Variants in USP54 observed in about 807,000 individuals in gnomAD.
USP54 encodes the protein ubiquitin specific peptidase 54.
Under a neutral mutation model 170.5 loss-of-function variants are expected in USP54, and 87 were observed. That is an observed-to-expected ratio of 0.51 (90% CI 0.43 to 0.61). USP54 has a LOEUF of 0.61. Ranked by LOEUF, USP54 falls within the 20% of genes least tolerant of loss-of-function variation. The pLI, the probability that USP54 is intolerant of heterozygous loss-of-function variation, is 0.00. For synonymous variants in USP54, 655 were observed against 742.8 expected, an observed-to-expected ratio of 0.88 and a Z score of 1.92; for missense variants, 1,786 against 2,047.8, an observed-to-expected ratio of 0.87 and a Z score of 2.47.
Position 73,498,934 on chromosome 10 carries a change from T to A in USP54, c.4750A>T (p.Thr1584Ser), listed in dbSNP as rs764240640. The A allele has an allele frequency of 1.2e-6, 2 of 1,613,804 alleles. No individual in the cohort carries two copies. ...ERSKGLQVPH[T>S]QSWSDLFHSP... ...TGGAAAAGATCACTCCAGGACTGAG[T>A]GTGAGGAACCTGAAGGCCCTTGCTT... is the stretch of plus-strand genomic sequence containing the variant. Residue 1584 changes from threonine to serine, a missense_variant, in exon 24 of 24, where the codon ACT (threonine) becomes TCT (serine). This residue lies in a region of USP54 where 1,418 missense variants were observed against 1,569.0 expected (regional missense o/e 0.90). Transcript: ENST00000687698.
Position 73,541,738 on chromosome 10 carries a change from G to C in USP54, c.573C>G (p.Cys191Trp), listed in dbSNP as rs1564762203. ...MVHYISTTSL[C>W]NQAICMLERR... The stretch of plus-strand genomic sequence containing the variant: ...TTTCCAGCATACAAATAGCCTGATT[G>C]CTTCAAGATGGGGAATAGAAGGGGG... The change falls in exon 8 of 24, where the codon TGC becomes TGG. Residue 191 changes from cysteine (C) to tryptophan (W), a missense_variant and splice_region_variant. Physicochemically the swap from Cys to Trp is radical, Grantham distance 215. Coordinates refer to ENST00000687698, the MANE Select transcript of USP54 (RefSeq NM_001391956.1). 6.2e-7 allele frequency: 1 copy of C among 1,613,916 alleles called. No individual in the cohort carries two copies. Among genetic ancestry groups the C allele is most frequent in the South Asian group, 1.1e-5 (1 of 91,054 alleles).
chr10:73,598,298 G>C (rs1053459779), intron 1 of USP54, among the ~76,000 whole-genome samples: 4 of 152,138 alleles, frequency 2.6e-5, no homozygotes, highest in Non-Finnish European at 4.4e-5. Context: ...AAGAGAAAAA[G>C]TTGGACTCCT....
At chr10:73,505,109 G>C in intron 21 of USP54, 119 bp from the exon 22 acceptor site, 1 of 1,409,146 alleles carries the variant, frequency 7.1e-7, no homozygotes, top group Non-Finnish European at 9.8e-7. Context: ...ATAGACACCT[G>C]AATTAGATGT....
chr10:73,515,838 A>C (rs2060979990), intron 20 of USP54: 1 of 141,780 alleles, frequency 7.1e-6, no homozygotes, highest in Admixed American at 7.6e-5. Flanking sequence ...GTTGGAGTGC[A>C]GTGGTGCGAT....
chr10:73,582,826 T>G (rs1408575048), intron 1 of USP54, among the ~76,000 whole-genome samples: 2 of 152,226 alleles, frequency 1.3e-5, no homozygotes, highest in Non-Finnish European at 2.9e-5. Context: ...AGTATCAAAG[T>G]ATCTCCACTA....
rs1014901003 is a variant in USP54 at position 73,576,251 on chromosome 10, T to C, written c.-471A>G. On this transcript the variant is annotated 5_prime_UTR_variant, in exon 2 of 24. Coordinates refer to ENST00000687698, the MANE Select transcript of USP54 (RefSeq NM_001391956.1). ...TTGAATCATCTGAGGTTTTTGTTGA[T>C]GTTCTTGCTGCTTCTTTTTAATGTG... 3 of 152,236 alleles carry C rather than the reference T, an allele frequency of 2.0e-5. No homozygotes were observed. The highest frequency in any genetic ancestry group is 1.3e-4 in the Admixed American group (2 of 15,284). The allele number at this position is 152,236 out of a possible 1,614,324, so 9.4% of individuals were successfully genotyped here.
chr10:73,530,338 G>C lies in USP54; in HGVS notation c.1633C>G (p.Pro545Ala). 6.2e-7 allele frequency: 1 copy of C among 1,614,076 alleles called. No individual in the cohort carries two copies. The highest frequency in any genetic ancestry group is 8.5e-7 in the Non-Finnish European group (1 of 1,180,016). ...CGAGAGTGTAAAGGCAGGGTCCTAG[G>C]AGGTTTTTTGTCAGGCTGGTCTCCT... ...RGGDQPDKKPPRTLPLHSRDW... is the reference protein window; with the variant it reads ...RGGDQPDKKPARTLPLHSRDW... Residue 545 changes from proline (P) to alanine (A), a missense_variant, in exon 14 of 24, where the codon CCT becomes GCT. By Grantham distance (27) the Pro-to-Ala change is conservative. Coordinates refer to ENST00000687698, the MANE Select transcript of USP54 (RefSeq NM_001391956.1).
chr10:73,598,377 A>G (rs1213380163), intron 1 of USP54, among the ~76,000 whole-genome samples: 1 of 152,218 alleles, frequency 6.6e-6, no homozygotes, highest in African/African-American at 2.4e-5. Context: ...TCAAACTATA[A>G]AACTTTTAGA....
chr10:73,562,887 A>G (rs2073391356), intron 4 of USP54, among the ~76,000 whole-genome samples: 1 of 152,134 alleles, frequency 6.6e-6, no homozygotes, highest in Non-Finnish European at 1.5e-5. Flanking sequence ...CTAAGTAGTG[A>G]TATCAATTTA....
chr10:73,616,816 C>G (rs1428885613), intron 1 of USP54, among the ~76,000 whole-genome samples: 7 of 150,192 alleles, frequency 4.7e-5, no homozygotes, highest in Admixed American at 4.6e-4. Context: ...CAGAGAGAGA[C>G]TCTGTCTCAA....
chr10:73,526,803 T>C (rs751742414), intron 15 of USP54, 23 bp from the exon 16 acceptor site: 7 of 1,612,140 alleles, frequency 4.3e-6, no homozygotes, highest in Non-Finnish European at 5.9e-6. Context: ...ACTCAGAGTC[T>C]AGTGAAAGCA....
intron 1 of USP54, among the ~76,000 whole-genome samples, chr10:73,624,181 TATATATATATATATGTA>T (rs2081311170): frequency 1.7e-5 from 2 of 118,386 alleles, no homozygotes; most frequent in South Asian, 3.5e-4. Context: ...TATATATATA[TATATATATATATATGTA>T]TTTTTTTTTT....
At chr10:73,542,396 G>A (rs1438282343) in intron 7 of USP54, among the ~76,000 whole-genome samples, 3 of 150,664 alleles carry the variant, frequency 2.0e-5, no homozygotes, top group South Asian at 2.2e-4. Flanking sequence ...CACCATGCCC[G>A]GCCAAGATAT....
chr10:73,593,834 T>C (rs1020600491), upstream of USP54, among the ~76,000 whole-genome samples: 1 of 152,264 alleles, frequency 6.6e-6, no homozygotes, highest in African/African-American at 2.4e-5. Flanking sequence ...TACTAGCAAA[T>C]AGAGTAAGGT....
intron 15 of USP54, 99 bp downstream of exon 15, chr10:73,529,581 G>C: frequency 3.0e-6 from 4 of 1,325,870 alleles, no homozygotes; most frequent in Non-Finnish European, 4.3e-6. Context: ...TAATAGCAAA[G>C]GCCATCCCTC....
intron 3 of USP54, among the ~76,000 whole-genome samples, chr10:73,571,885 A>C (rs1158030433): frequency 6.6e-6 from 1 of 152,232 alleles, no homozygotes; most frequent in Admixed American, 6.5e-5. Flanking sequence ...AGAAATGTGA[A>C]CTGTAGAAAT....
chr10:73,520,513 A>G (rs887643748), intron 18 of USP54, among the ~76,000 whole-genome samples: 2 of 152,210 alleles, frequency 1.3e-5, no homozygotes, highest in African/African-American at 2.4e-5. Flanking sequence ...AGAATCAAAT[A>G]CTGAATTAAA....
chr10:73,617,736 C>T lies in USP54; in HGVS notation c.-18+7831G>A, dbSNP rs188659111. Among the ~76,000 whole-genome samples the T allele has an allele frequency of 2.4e-3, 352 of 148,928 alleles. 7 individuals are homozygous for T. The highest frequency in any genetic ancestry group is 6.5e-3 in the Admixed American group (98 of 15,022). On this transcript the variant is annotated intron_variant, in intron 1 of 22. Transcript: ENST00000339859. The stretch of plus-strand genomic sequence containing the variant: ...GTCAGGAAAAGCTTTGTTGAGAGGG[C>T]GGGGTGAAAAAAACTTTTTTAAAAT...
chr10:73,514,067 T>A (rs1412517940), intron 20 of USP54, among the ~76,000 whole-genome samples: 3 of 152,138 alleles, frequency 2.0e-5, no homozygotes. Flanking sequence ...TCCACCTGCC[T>A]CGGCCTCCCA....
Sources: allele counts gnomAD v4.1 joint callset (sites outside exome capture counted in the v4.1 genomes callset), GRCh38; gene constraint gnomAD v4.1.1; regional missense constraint gnomAD v4.1.1; transcripts MANE v1.5; gene names NCBI Gene and HGNC (gene_info 2026-07-23, HGNC 2026-07-21).